The following MAGI3 variants were observed in gnomAD, a reference collection of about 807,000 sequenced individuals.
MAGI3 encodes membrane-associated guanylate kinase, WW and PDZ domain-containing protein 3.
MAGI3 carries 43 observed loss-of-function variants against 121.8 expected under a neutral mutation model. The observed-to-expected ratio is 0.35, with a 90% CI of 0.28 to 0.46. The LOEUF (loss-of-function observed/expected upper bound fraction) is 0.46. MAGI3 is among the 20% of genes least tolerant of loss of function. The pLI, the probability that MAGI3 is intolerant of heterozygous loss-of-function variation, is 1.00. For synonymous variants in MAGI3, 553 were observed against 639.3 expected (o/e 0.86, Z 2.04); for missense variants, 1,547 against 1,797.3 (o/e 0.86, Z 2.52).
At chr1:113,459,462 A>G (rs1249837821) in intron 1 of MAGI3, among the ~76,000 whole-genome samples, 3 of 152,208 alleles carry the variant, frequency 2.0e-5, no homozygotes, top group African/African-American at 7.2e-5. Flanking sequence ...ATATTGCACA[A>G]TGAAGTTTCC....
In MAGI3 at chr1:113,423,525, C is replaced by T. The variant is rs186539677; in HGVS notation, c.316+32176C>T. Among the ~76,000 whole-genome samples, 403 of 152,218 alleles carry T rather than the reference C, an allele frequency of 2.6e-3. 2 individuals carry two copies. Among genetic ancestry groups the T allele is most frequent in the African/African-American group, 9.2e-3 (381 of 41,526 alleles). ...TGACCTCATGATCTGCCCACCTCAG[C>T]GTCCCAAAGTGCTGGGATTACAGGC... On this transcript the variant is annotated intron_variant, in intron 1 of 20. Transcript: ENST00000307546.
rs1652678210 is a variant in MAGI3, at chr1:113,643,733, T to C, written c.1967-10T>C. 1 of 1,613,800 alleles carries C rather than the reference T, an allele frequency of 6.2e-7. No individual in the cohort carries two copies. Among genetic ancestry groups the C allele is most frequent in the Admixed American group, 1.7e-5 (1 of 60,010 alleles). Reference sequence around the variant, plus strand: ...TCTGGTTTTAAACTTTGGTTCATTTTTTTTTTAAGGTCCTCCTTCACCAAC... The same window carrying C: ...TCTGGTTTTAAACTTTGGTTCATTTCTTTTTTAAGGTCCTCCTTCACCAAC... On this transcript the variant is annotated splice_polypyrimidine_tract_variant and intron_variant, in intron 10 of 20. Coordinates refer to ENST00000307546, the MANE Select transcript of MAGI3 (RefSeq NM_001142782.2).
intron 19 of MAGI3, among the ~76,000 whole-genome samples, chr1:113,680,629 C>T (rs12757859): frequency 0.36 from 54,843 of 151,696 alleles, 11,528 homozygotes; most frequent in African/African-American, 0.57. Flanking sequence ...TGGTGGCGGG[C>T]GCCTGTAGTC....
intron 6 of MAGI3, among the ~76,000 whole-genome samples, chr1:113,595,119 A>G (rs1648919434): frequency 6.6e-6 from 1 of 152,214 alleles, no homozygotes; most frequent in East Asian, 1.9e-4. Flanking sequence ...TATCTGTCCT[A>G]TATATTATAG....
At position 113,526,067 on chromosome 1, in the gene MAGI3, A is replaced by T. The variant is rs564281409; in HGVS notation, c.317-23448A>T. Among the ~76,000 whole-genome samples the T allele has an allele frequency of 2.6e-5, 4 of 152,360 alleles. No individual in the cohort carries two copies. In the South Asian group the frequency reaches 6.2e-4, roughly 24 times the overall value. ...ATATTCCAAAAGATTAGGTTTATAA[A>T]GAAAAAAATTAGACCAAAAAAGTTG... On this transcript the variant is annotated intron_variant, in intron 1 of 20. Coordinates refer to ENST00000307546, the MANE Select transcript of MAGI3 (RefSeq NM_001142782.2).
intron 9 of MAGI3, among the ~76,000 whole-genome samples, chr1:113,632,571 C>T (rs1289359456): frequency 2.0e-5 from 3 of 152,048 alleles, no homozygotes; most frequent in Admixed American, 6.6e-5. Context: ...AACTGATGAC[C>T]GTCAACTGGT....
chr1:113,636,720 G>T (rs931109890), intron 9 of MAGI3, among the ~76,000 whole-genome samples: 3 of 152,102 alleles, frequency 2.0e-5, no homozygotes, highest in African/African-American at 4.8e-5. Context: ...TTGGGGTGGA[G>T]AGTTCTGTAG....
intron 1 of MAGI3, among the ~76,000 whole-genome samples, chr1:113,414,449 A>G (rs1378658643): frequency 6.6e-6 from 1 of 152,152 alleles, no homozygotes; most frequent in Non-Finnish European, 1.5e-5. Context: ...TTCAGAAGGA[A>G]CGGTATTAGC....
intron 1 of MAGI3, among the ~76,000 whole-genome samples, chr1:113,472,114 G>C (rs1459292623): frequency 6.6e-6 from 1 of 151,896 alleles, no homozygotes; most frequent in Non-Finnish European, 1.5e-5. Context: ...GTTACCATTT[G>C]CTTGGAATAT....
chr1:113,416,421 T>C (rs1368766139), intron 1 of MAGI3, among the ~76,000 whole-genome samples: 1 of 120,676 alleles, frequency 8.3e-6, no homozygotes. Flanking sequence ...AATTAATAAT[T>C]AATAATATAT....
chr1:113,449,942 T>C, intron 1 of MAGI3: 1 of 1,526,436 alleles, frequency 6.6e-7, no homozygotes, highest in Non-Finnish European at 9.0e-7. Flanking sequence ...TTGATGGGCG[T>C]GTAGTGGAAC....
chr1:113,476,262 A>G (rs1411637193), intron 1 of MAGI3, among the ~76,000 whole-genome samples: 1 of 152,102 alleles, frequency 6.6e-6, no homozygotes, highest in African/African-American at 2.4e-5. Flanking sequence ...GCCTTCTGCT[A>G]GCTTTTCAAT....
chr1:113,469,294 C>G (rs1655433454), intron 1 of MAGI3, among the ~76,000 whole-genome samples: 1 of 152,060 alleles, frequency 6.6e-6, no homozygotes, highest in African/African-American at 2.4e-5. Flanking sequence ...TAGTTTGTAC[C>G]TTTAACCAGT....
chr1:113,433,465 A>G (rs1653406295), intron 1 of MAGI3, among the ~76,000 whole-genome samples: 1 of 152,244 alleles, frequency 6.6e-6, no homozygotes, highest in Non-Finnish European at 1.5e-5. Context: ...CTCTAAATCC[A>G]TAGCTATTAG....
Position 113,642,527 on chromosome 1 carries a change from G to T in MAGI3, c.1966+11G>T. 5.6e-6 allele frequency: 9 copies of T among 1,595,278 alleles called. No homozygotes were observed. Among genetic ancestry groups the T allele is most frequent in the Non-Finnish European group, 6.8e-6 (8 of 1,169,954 alleles). On this transcript the variant is annotated intron_variant, in intron 10 of 20. Transcript: ENST00000307546. ...TTATCTTAAGAGGAGGTAAGTAAAAGCACAACATAGAAAAAGTTTCAGTGT... is the reference window on the plus strand; with the variant it reads ...TTATCTTAAGAGGAGGTAAGTAAAATCACAACATAGAAAAAGTTTCAGTGT...
At chr1:113,478,871 A>G (rs1222932479) in intron 1 of MAGI3, among the ~76,000 whole-genome samples, 1 of 152,226 alleles carries the variant, frequency 6.6e-6, no homozygotes, top group African/African-American at 2.4e-5. Flanking sequence ...GTCTAGAGGC[A>G]GTAGGCCTTG....
chr1:113,536,159 T>TTA (rs147702180), intron 1 of MAGI3, among the ~76,000 whole-genome samples: 2 of 147,666 alleles, frequency 1.4e-5, no homozygotes, highest in African/African-American at 5.0e-5. Flanking sequence ...TTTTTTTTTT[T>TTA]AAAAAAATTT....
intron 1 of MAGI3, among the ~76,000 whole-genome samples, chr1:113,529,759 C>A (rs1029597545): frequency 1.3e-5 from 2 of 151,594 alleles, no homozygotes; most frequent in Admixed American, 1.3e-4. Flanking sequence ...TGAAATAAAA[C>A]AAAATATAAT....
Position 113,658,629 on chromosome 1 carries a change from T to A in MAGI3, c.2630-451T>A, listed in dbSNP as rs116347760. On this transcript the variant is annotated intron_variant, in intron 15 of 20. Transcript: ENST00000307546. This position sits in a 1 kb window ranked among gnomAD's most constrained non-coding sequence, Gnocchi z 4.0. The stretch of plus-strand genomic sequence containing the variant: ...ACCTGCATTTATTTACAAGGTTCCT[T>A]ATGGGAGCAAGTGTCCCTTTAACAG... 0.014 allele frequency among the ~76,000 whole-genome samples: 2,064 copies of A among 152,344 alleles called. 22 individuals are homozygous for A. The highest frequency in any genetic ancestry group is 0.021 in the Non-Finnish European group (1,451 of 68,038).
Sources: gnomAD v4.1 joint callset for allele counts (sites outside exome capture counted in the v4.1 genomes callset) on GRCh38, gnomAD v4.1.1 for gene constraint, Gnocchi (gnomAD v3.1) non-coding constraint, MANE v1.5 for transcripts, NCBI Gene and HGNC (gene_info 2026-07-23, HGNC 2026-07-21) for gene names.